The following ZNF273 variants were observed in gnomAD, a reference collection of about 807,000 sequenced individuals.
ZNF273 encodes zinc finger protein 9.
A neutral mutation model predicts 14.9 loss-of-function variants in ZNF273; 11 were observed. That is an observed-to-expected ratio of 0.74 (90% CI 0.46 to 1.22). The LOEUF (loss-of-function observed/expected upper bound fraction) is 1.22. ZNF273 is among the 50% of genes most tolerant of loss of function. ZNF273 has a pLI of 0.00. For missense variants in ZNF273, 577 were observed against 660.6 expected, an observed-to-expected ratio of 0.87 and a Z score of 1.39; for synonymous variants, 199 against 223.9, an observed-to-expected ratio of 0.89 and a Z score of 0.99.
intron 1 of ZNF273, among the ~76,000 whole-genome samples, chr7:64,905,947 A>G (rs1342698617): frequency 1.3e-5 from 2 of 152,228 alleles, no homozygotes; most frequent in East Asian, 1.9e-4. Context: ...GGAGAGAAAT[A>G]ATATCTAATT....
chr7:64,912,202 G>A (rs753830123), intron 1 of ZNF273, among the ~76,000 whole-genome samples: 1 of 151,976 alleles, frequency 6.6e-6, no homozygotes, highest in Admixed American at 6.6e-5. Flanking sequence ...GAGGTGATTC[G>A]CCCGCCTCGG....
downstream of ZNF273, among the ~76,000 whole-genome samples, chr7:64,883,777 C>T (rs762374264): frequency 1.2e-4 from 18 of 152,210 alleles, no homozygotes; most frequent in Non-Finnish European, 2.5e-4. Flanking sequence ...TCCTCTTTTC[C>T]TGACTTCCAT....
At chr7:64,882,985 G>A (rs770758439), downstream of ZNF273, among the ~76,000 whole-genome samples, 19 of 152,218 alleles carry the variant, frequency 1.2e-4, no homozygotes, top group Non-Finnish European at 2.4e-4. Flanking sequence ...GTGTGCGCGT[G>A]TGTGTGTTTC....
chr7:64,936,912 A>T, the ZNF273 span, among the ~76,000 whole-genome samples: 63 of 152,230 alleles, frequency 4.1e-4, no homozygotes, highest in Admixed American at 1.3e-4. Context: ...GAAATTGAAT[A>T]CTTGTATAAA....
intron 1 of ZNF273, among the ~76,000 whole-genome samples, chr7:64,906,318 C>T (rs1260542417): frequency 6.6e-6 from 1 of 152,034 alleles, no homozygotes; most frequent in African/African-American, 2.4e-5. Flanking sequence ...CTCCCAGAAG[C>T]GTTCCCATAT....
chr7:64,914,119 C>T (rs896657974), intron 1 of ZNF273, among the ~76,000 whole-genome samples: 2 of 151,494 alleles, frequency 1.3e-5, no homozygotes, highest in Non-Finnish European at 2.9e-5. Context: ...GCGATTCTCC[C>T]ACCTCAGCCT....
chr7:64,935,507 T>C (rs1355692513), downstream of ZNF273, among the ~76,000 whole-genome samples: 1 of 152,110 alleles, frequency 6.6e-6, no homozygotes, highest in African/African-American at 2.4e-5. Context: ...TGCCAGCGCT[T>C]ATTCTCCACC....
intron 1 of ZNF273, among the ~76,000 whole-genome samples, chr7:64,903,846 A>C (rs1792903464): frequency 6.6e-6 from 1 of 152,180 alleles, no homozygotes; most frequent in Admixed American, 6.5e-5. Context: ...CAAATTATAG[A>C]GCACCCAGCT....
downstream of ZNF273, among the ~76,000 whole-genome samples, chr7:64,894,591 TAAA>T (rs11334125): frequency 6.7e-6 from 1 of 148,496 alleles, no homozygotes. Context: ...GTCACAACAG[TAAA>T]AAAAAAAAAA....
intron 3 of ZNF273, among the ~76,000 whole-genome samples, chr7:64,925,069 T>C (rs1188326712): frequency 6.6e-6 from 1 of 152,216 alleles, no homozygotes. Context: ...CCCAAAGTGC[T>C]GGGATTACAG....
At chr7:64,900,936 A>G (rs188278694), upstream of ZNF273, among the ~76,000 whole-genome samples, 319 of 151,966 alleles carry the variant, frequency 2.1e-3, no homozygotes, top group African/African-American at 7.1e-3. Context: ...GTGTGTGTCC[A>G]TGTTCTAGTT....
downstream of ZNF273, among the ~76,000 whole-genome samples, chr7:64,890,322 A>G (rs766431007): frequency 6.6e-6 from 1 of 152,018 alleles, no homozygotes; most frequent in Non-Finnish European, 1.5e-5. Flanking sequence ...GCATGTGGAC[A>G]GAGTCACAGG....
At chr7:64,893,688 CCCCCTCCCCT>C (rs1325409315), downstream of ZNF273, 1 of 5,092 alleles carries the variant, frequency 2.0e-4, no homozygotes. Context: ...CCCCTCCCCT[CCCCCTCCCCT>C]CCCCCTCCCC....
intron 3 of ZNF273, among the ~76,000 whole-genome samples, chr7:64,922,472 C>T (rs751210425): frequency 4.0e-5 from 6 of 151,486 alleles, no homozygotes; most frequent in Admixed American, 6.6e-5. Context: ...GGGATTACAG[C>T]GACTAATTTT....
At chr7:64,901,823 G>A (rs1280283036), upstream of ZNF273, among the ~76,000 whole-genome samples, 2 of 151,976 alleles carry the variant, frequency 1.3e-5, no homozygotes, top group Admixed American at 6.6e-5. Flanking sequence ...GATGGCACAT[G>A]CCGGTAATCT....
intron 1 of ZNF273, among the ~76,000 whole-genome samples, chr7:64,913,148 A>G (rs766790945): frequency 6.6e-6 from 1 of 152,152 alleles, no homozygotes; most frequent in Non-Finnish European, 1.5e-5. Context: ...CTTATTTTCT[A>G]TTCTTGCAGA....
upstream of ZNF273, chr7:64,903,100 A>T: frequency 2.2e-6 from 1 of 447,240 alleles, no homozygotes; most frequent in Non-Finnish European, 4.1e-6. Context: ...CCTGCAGTTT[A>T]GGTTTCATTC....
rs139484770 is a variant in ZNF273, at chr7:64,920,245, C to T, written c.325+1953C>T. 2.6e-3 allele frequency among the ~76,000 whole-genome samples: 388 copies of T among 151,350 alleles called. 1 individual carries two copies. The highest frequency in any genetic ancestry group is 4.3e-3 in the Non-Finnish European group (294 of 67,808). ...ATATTTTTGGACAGACTGAATCTTT[C>T]AGGACTTTGCTTTGTAGGGCAGACA... On this transcript the variant is annotated intron_variant, in intron 3 of 3. Coordinates refer to ENST00000476120, the MANE Select transcript of ZNF273 (RefSeq NM_021148.3).
chr7:64,928,076 A>G lies in ZNF273; in HGVS notation c.748A>G (p.Thr250Ala), dbSNP rs760376918. The part of the protein sequence containing the change: ...GKAFNQFSNL[T>A]KHKIIHPEVN... Reference sequence around the variant, plus strand: ...AGCCTTTAACCAGTTCTCAAATCTTACTAAACATAAGATAATTCATCCTGA... The same window carrying G: ...AGCCTTTAACCAGTTCTCAAATCTTGCTAAACATAAGATAATTCATCCTGA... Residue 250 changes from threonine (T) to alanine (A), a missense_variant, in exon 4 of 4, where the codon ACT becomes GCT. Thr to Ala is a moderately conservative substitution (Grantham distance 58, BLOSUM62 0). Coordinates refer to ENST00000476120, the MANE Select transcript of ZNF273 (RefSeq NM_021148.3). The G allele has an allele frequency of 1.9e-6, 3 of 1,613,612 alleles. No homozygotes were observed. Among genetic ancestry groups the G allele is most frequent in the Admixed American group, 1.7e-5 (1 of 60,022 alleles).
Sources: allele counts gnomAD v4.1 joint callset (sites outside exome capture counted in the v4.1 genomes callset), GRCh38; gene constraint gnomAD v4.1.1; transcripts MANE v1.5; gene names NCBI Gene and HGNC (gene_info 2026-07-23, HGNC 2026-07-21).